The following SCLT1 variants were observed in gnomAD, a reference collection of about 807,000 sequenced individuals.
The protein encoded by SCLT1 is sodium channel and clathrin linker 1, also known as sodium channel-associated protein 1.
In SCLT1, 78 loss-of-function variants were observed where a neutral mutation model predicts 112.8. The observed-to-expected ratio is 0.69, with a 90% confidence interval of 0.58 to 0.83. The LOEUF (loss-of-function observed/expected upper bound fraction) is 0.83, where lower values mean the gene tolerates loss of function less well. SCLT1 is among the 40% of genes least tolerant of loss of function. The pLI, the probability that SCLT1 is intolerant of heterozygous loss-of-function variation, is 0.00. For missense variants in SCLT1, 747 were observed against 770.4 expected, an observed-to-expected ratio of 0.97 and a Z score of 0.36; for synonymous variants, 257 against 254.7, an observed-to-expected ratio of 1.01 and a Z score of -0.09.
At chr4:128,939,030 T>TATGC (rs1737453712) in intron 17 of SCLT1, among the ~76,000 whole-genome samples, 1 of 152,134 alleles carries the variant, frequency 6.6e-6, no homozygotes, top group African/African-American at 2.4e-5. Flanking sequence ...AAAACTGATC[T>TATGC]ATGCATCTGT....
intron 2 of SCLT1, among the ~76,000 whole-genome samples, chr4:129,076,666 G>GA (rs907889471): frequency 6.1e-5 from 9 of 147,750 alleles, no homozygotes; most frequent in South Asian, 2.2e-4. Flanking sequence ...GCCTGGGTAT[G>GA]AAAAAAAAAG....
At chr4:128,986,538 G>A in intron 9 of SCLT1, among the ~76,000 whole-genome samples, 1 of 152,162 alleles carries the variant, frequency 6.6e-6, no homozygotes, top group Non-Finnish European at 1.5e-5. Context: ...ACTCCAGGCA[G>A]TACTGCTCCA....
chr4:128,888,186 T>C (rs58755790), intron 20 of SCLT1, among the ~76,000 whole-genome samples: 3,401 of 151,966 alleles, frequency 0.022, 113 homozygotes, highest in African/African-American at 0.074. Context: ...GAGGCTATGA[T>C]TGTTAGACAG....
chr4:129,043,192 A>G (rs1156300443), intron 4 of SCLT1, among the ~76,000 whole-genome samples: 2 of 152,158 alleles, frequency 1.3e-5, no homozygotes, highest in South Asian at 2.1e-4. Context: ...GATTATAGGC[A>G]TAAGCCACCG....
At chr4:129,037,053 A>G (rs1747239856) in intron 5 of SCLT1, 1 of 151,954 alleles carries the variant, frequency 6.6e-6, no homozygotes, top group African/African-American at 2.4e-5. Flanking sequence ...AGTAGCAAAT[A>G]TAAGAGAAGA....
intron 7 of SCLT1, 26 bp from the exon 8 acceptor site, chr4:128,997,965 T>C (rs778898857): frequency 2.4e-6 from 3 of 1,239,912 alleles, no homozygotes; most frequent in East Asian, 5.4e-5. Flanking sequence ...AAGGGGAGTA[T>C]ATAAATAGCA....
chr4:128,937,462 T>G (rs1243205692), intron 17 of SCLT1, among the ~76,000 whole-genome samples: 8 of 152,190 alleles, frequency 5.3e-5, no homozygotes, highest in Admixed American at 5.2e-4. Context: ...AACATAACAC[T>G]TCTCTCTTTA....
chr4:128,912,087 G>A (rs960010191), intron 18 of SCLT1, among the ~76,000 whole-genome samples: 1 of 152,194 alleles, frequency 6.6e-6, no homozygotes, highest in Admixed American at 6.5e-5. Flanking sequence ...TGATATGAAT[G>A]CTAGAATATA....
chr4:128,978,802 T>C (rs1048929682), intron 9 of SCLT1, among the ~76,000 whole-genome samples: 7 of 151,798 alleles, frequency 4.6e-5, no homozygotes, highest in African/African-American at 1.7e-4. Flanking sequence ...AAACTAAGAT[T>C]TCAAAACAAA....
chr4:129,079,444 T>C (rs887305924), intron 2 of SCLT1, among the ~76,000 whole-genome samples: 15 of 152,172 alleles, frequency 9.9e-5, no homozygotes, highest in African/African-American at 3.4e-4. Context: ...CCGCGGGGCA[T>C]GTCCAAAACC....
chr4:128,923,863 G>A (rs1215921952), intron 18 of SCLT1, among the ~76,000 whole-genome samples: 5 of 152,036 alleles, frequency 3.3e-5, no homozygotes, highest in African/African-American at 1.2e-4. Context: ...CCAGGCTGGA[G>A]TGCAGTGGCA....
chr4:128,985,493 T>A (rs1251459240), intron 9 of SCLT1, among the ~76,000 whole-genome samples: 1 of 152,168 alleles, frequency 6.6e-6, no homozygotes, highest in Non-Finnish European at 1.5e-5. Flanking sequence ...TTGAAATGCT[T>A]ATTCATATCG....
intron 4 of SCLT1, chr4:128,876,374 C>T (rs1186836888): frequency 2.6e-5 from 4 of 152,104 alleles, no homozygotes. Flanking sequence ...ACAATAGTTC[C>T]CTAGGGAAAT....
intron 10 of SCLT1, among the ~76,000 whole-genome samples, chr4:128,966,942 C>G (rs1170801055): frequency 6.6e-6 from 1 of 151,170 alleles, no homozygotes; most frequent in Non-Finnish European, 1.5e-5. Flanking sequence ...TTTGGTATAC[C>G]GATTATTTTG....
chr4:129,057,466 G>A (rs1290718825), intron 2 of SCLT1, among the ~76,000 whole-genome samples: 7 of 146,120 alleles, frequency 4.8e-5, no homozygotes, highest in Admixed American at 6.8e-5. Flanking sequence ...GACTACAGGC[G>A]TGCGCCATCA....
intron 18 of SCLT1, among the ~76,000 whole-genome samples, chr4:128,910,867 C>T (rs2125946532): frequency 6.6e-6 from 1 of 151,842 alleles, no homozygotes; most frequent in South Asian, 2.1e-4. Flanking sequence ...GCATTCTGTT[C>T]AAATTATCTA....
chr4:128,896,967 T>G (rs1245136114), intron 18 of SCLT1, among the ~76,000 whole-genome samples: 1 of 151,818 alleles, frequency 6.6e-6, no homozygotes, highest in Non-Finnish European at 1.5e-5. Context: ...GAAGAGAAGT[T>G]TAGAGAAAAA....
chr4:129,012,442 GTGATTGA>G (rs2126106313), intron 5 of SCLT1, among the ~76,000 whole-genome samples: 1 of 152,276 alleles, frequency 6.6e-6, no homozygotes, highest in Non-Finnish European at 1.5e-5. Context: ...TTCTGATTAC[GTGATTGA>G]TTTTAGAACA....
rs190236380 is a variant in SCLT1 at position 128,947,088 on chromosome 4, G to A, written c.1294-936C>T. ...CTATAAAAACATGGAGTATCAGCACGTCAACATTCCACTACTGGAATACAG... is the reference window on the plus strand; with the variant it reads ...CTATAAAAACATGGAGTATCAGCACATCAACATTCCACTACTGGAATACAG... On this transcript the variant is annotated intron_variant, in intron 15 of 20. Coordinates refer to ENST00000281142, the MANE Select transcript of SCLT1 (RefSeq NM_144643.4). Among the ~76,000 whole-genome samples the A allele has an allele frequency of 8.3e-4, 126 of 152,258 alleles. 2 individuals carry two copies. The Middle Eastern group carries it at 0.031, about 37-fold the overall frequency.
Sources: gnomAD v4.1 joint callset for allele counts (sites outside exome capture counted in the v4.1 genomes callset) on GRCh38, gnomAD v4.1.1 for gene constraint, MANE v1.5 for transcripts, NCBI Gene and HGNC (gene_info 2026-07-23, HGNC 2026-07-21) for gene names.